The following TEFM variants were observed in gnomAD, a reference collection of about 807,000 sequenced individuals.
TEFM encodes the protein transcription elongation factor, mitochondrial.
Under a neutral mutation model 23.0 loss-of-function variants are expected in TEFM, and 14 were observed. The ratio of observed to expected loss-of-function variants is 0.61; its 90% CI spans 0.40 to 0.95. The LOEUF is 0.95. Among genes scored for constraint, TEFM ranks in the 40% least tolerant of loss-of-function variants. The pLI is 0.00. For missense variants in TEFM, 386 were observed against 425.5 expected (o/e 0.91, Z 0.82); for synonymous variants, 155 against 158.3 (o/e 0.98, Z 0.16).
rs1440875403 is a variant in TEFM at position 30,904,714 on chromosome 17, C to G, written c.32-185G>C. ...TTTTTTTTTGAGACGGAGTCTTGCT[C>G]TGTTGCCCAGGCTGGAGTGCAGTGG... On this transcript the variant is annotated intron_variant, in intron 1 of 3. Transcript: ENST00000581216. 6.1e-5 allele frequency among the ~76,000 whole-genome samples: 9 copies of G among 146,916 alleles called. No individual in the cohort carries two copies. In the East Asian group the frequency reaches 1.0e-3, roughly 16 times the overall value.
At chr17:30,903,888 C>T (rs994180144) in intron 2 of TEFM, 178 bp downstream of exon 2, 2 of 568,162 alleles carry the variant, frequency 3.5e-6, no homozygotes, top group African/African-American at 3.8e-5. Context: ...CCATTGTTTT[C>T]TCTCCTCTCA....
chr17:30,905,108 T>C (rs1012783748), intron 1 of TEFM, among the ~76,000 whole-genome samples: 1 of 152,272 alleles, frequency 6.6e-6, no homozygotes, highest in African/African-American at 2.4e-5. Context: ...TTTTACTACC[T>C]AGAAAATTGT....
In TEFM at chr17:30,904,504, C is replaced by T. The variant is rs746431144; in HGVS notation, c.57G>A (p.Pro19=). ...AGERWRCFLT[P]SRSSLYWALH... ...AGGCCCAGTACAGGGATGACCTCGACGGGGTCAGAAAGCATCTCCACCTCT... is the reference window on the plus strand; with the variant it reads ...AGGCCCAGTACAGGGATGACCTCGATGGGGTCAGAAAGCATCTCCACCTCT... Residue 19 remains proline, a synonymous_variant, in exon 2 of 4, where the codon CCG becomes CCA. Coordinates refer to ENST00000581216, the MANE Select transcript of TEFM (RefSeq NM_024683.4). 10 of 1,610,168 alleles carry T rather than the reference C, an allele frequency of 6.2e-6. No homozygotes were observed. The highest frequency in any genetic ancestry group is 5.5e-5 in the South Asian group (5 of 90,636).
At chr17:30,900,967 T>C (rs1299950932) in intron 2 of TEFM, among the ~76,000 whole-genome samples, 1 of 152,068 alleles carries the variant, frequency 6.6e-6, no homozygotes, top group Non-Finnish European at 1.5e-5. Context: ...AACTAGTTTA[T>C]GTAATATAAA....
At position 30,899,169 on chromosome 17, in the gene TEFM, C is replaced by T. The variant is rs900836101; in HGVS notation, c.1083G>A (p.Ter361=). ...YELAVFDSQP[*] is the part of the protein sequence containing the mutation. ...ACTTTAGCACGTTAACCTCAGAATT[C>T]TAAGGCTGAGAGTCAAACACTGCTA... Residue 361 remains the stop codon, a stop_retained_variant, in exon 4 of 4, where the codon TAG becomes TAA. Coordinates refer to ENST00000581216, the MANE Select transcript of TEFM (RefSeq NM_024683.4). 6.4e-7 allele frequency: 1 copy of T among 1,574,022 alleles called. No homozygotes were observed. The highest frequency in any genetic ancestry group is 1.2e-5 in the South Asian group (1 of 86,654).
At chr17:30,905,297 G>T (rs1284265139) in intron 1 of TEFM, among the ~76,000 whole-genome samples, 6 of 152,062 alleles carry the variant, frequency 3.9e-5, no homozygotes, top group Admixed American at 3.9e-4. Context: ...GAGGTGGGCG[G>T]ATCACCTGAG....
At position 30,904,305 on chromosome 17, in the gene TEFM, C is replaced by T. The variant is rs777153278; in HGVS notation, c.256G>A (p.Glu86Lys). 1 of 1,614,234 alleles carries T rather than the reference C, an allele frequency of 6.2e-7. No individual in the cohort carries two copies. Among genetic ancestry groups the T allele is most frequent in the Non-Finnish European group, 8.5e-7 (1 of 1,180,048 alleles). Residue 86 changes from glutamate (E) to lysine (K), a missense_variant, in exon 2 of 4, where the codon GAA becomes AAA. Glu to Lys is a moderately conservative substitution (Grantham distance 56). Transcript: ENST00000581216. ...CTTCCACGAAGCAATCGGAAAGCTT[C>T]AAGTTCTTTAGTAGATGCTGTATTC... ...VLNTASTKEL[E>K]AFRLLRGRRS...
At chr17:30,904,599 T>A in intron 1 of TEFM, 70 bp from the exon 2 acceptor site, 4 of 1,122,158 alleles carry the variant, frequency 3.6e-6, no homozygotes, top group Non-Finnish European at 5.1e-6. Flanking sequence ...CAAGCTTGAC[T>A]AGATCCTTTG....
intron 2 of TEFM, among the ~76,000 whole-genome samples, chr17:30,901,823 C>A (rs1002733634): frequency 6.6e-6 from 1 of 152,090 alleles, no homozygotes; most frequent in Non-Finnish European, 1.5e-5. Flanking sequence ...GTACCTGTTA[C>A]AACATGAGAA....
chr17:30,902,522 G>C (rs79901828), intron 2 of TEFM, among the ~76,000 whole-genome samples: 4,049 of 152,242 alleles, frequency 0.027, 197 homozygotes, highest in African/African-American at 0.092. Flanking sequence ...GGTATAAATA[G>C]TTTTGGCCAT....
chr17:30,904,024 G>T, intron 2 of TEFM, 42 bp downstream of exon 2: 2 of 1,548,828 alleles, frequency 1.3e-6, no homozygotes, highest in East Asian at 2.3e-5. Context: ...TCTAGAGTAG[G>T]TTCTCAAATA....
At position 30,903,229 on chromosome 17, in the gene TEFM, GT is replaced by G. The variant is rs567911720; in HGVS notation, c.495+836del. Among the ~76,000 whole-genome samples, 274 of 126,540 alleles carry G rather than the reference GT, an allele frequency of 2.2e-3. 3 individuals are homozygous for G. The highest frequency in any genetic ancestry group is 4.2e-3 in the Middle Eastern group (1 of 236). 83.0% of individuals were successfully genotyped at this position (126,540 alleles called of 152,430 possible). ...GAAAAAGAATTGCTTTTAGAATGGT[GT>G]TTTTTTTTTTTTTTTGAGACAGAGT... On this transcript the variant is annotated intron_variant, in intron 2 of 3. Coordinates refer to ENST00000581216, the MANE Select transcript of TEFM (RefSeq NM_024683.4).
intron 2 of TEFM, among the ~76,000 whole-genome samples, chr17:30,901,364 G>A (rs1453997604): frequency 2.0e-5 from 3 of 152,134 alleles, no homozygotes; most frequent in Non-Finnish European, 4.4e-5. Flanking sequence ...ATAGATAAAG[G>A]ACCTATACTC....
rs1910116021 is a variant in TEFM at position 30,904,242 on chromosome 17, C to T, written c.319G>A (p.Gly107Arg). ...INIVEHRENF[G>R]PFQNLESLMN... ...AAACTCTCTAAATTCTGAAATGGCC[C>T]AAAGTTTTCTCTGTGCTCTACGATA... Residue 107 changes from glycine to arginine, a missense_variant, in exon 2 of 4, where the codon GGG becomes AGG. By Grantham distance (125) the Gly-to-Arg change is moderately radical. Coordinates refer to ENST00000581216, the MANE Select transcript of TEFM (RefSeq NM_024683.4). 6.2e-7 allele frequency: 1 copy of T among 1,614,006 alleles called. No individual in the cohort carries two copies. Among genetic ancestry groups the T allele is most frequent in the Admixed American group, 1.7e-5 (1 of 59,968 alleles).
chr17:30,903,245 T>G (rs1847484201), intron 2 of TEFM, among the ~76,000 whole-genome samples: 1 of 149,844 alleles, frequency 6.7e-6, no homozygotes, highest in Non-Finnish European at 1.5e-5. Context: ...TTTTTTTTTT[T>G]GAGACAGAGT....
At chr17:30,905,709 G>T (rs978402354) in intron 1 of TEFM, among the ~76,000 whole-genome samples, 1 of 152,150 alleles carries the variant, frequency 6.6e-6, no homozygotes, top group East Asian at 1.9e-4. Flanking sequence ...TTGCAAGTAT[G>T]AGAAACACCA....
At chr17:30,901,238 C>T (rs1281930347) in intron 2 of TEFM, among the ~76,000 whole-genome samples, 1 of 152,042 alleles carries the variant, frequency 6.6e-6, no homozygotes, top group African/African-American at 2.4e-5. Context: ...CCAGGCTGGT[C>T]TTGAGCTCCT....
chr17:30,900,776 A>ATT (rs11452879), intron 2 of TEFM, among the ~76,000 whole-genome samples: 15,409 of 143,738 alleles, frequency 0.11, 893 homozygotes, highest in South Asian at 0.24. Flanking sequence ...TAATTTTTTT[A>ATT]TTTTTTTTTT....
At chr17:30,899,792 C>G (rs1451027640) in intron 3 of TEFM, 186 bp from the exon 4 acceptor site, 2 of 430,232 alleles carry the variant, frequency 4.6e-6, no homozygotes, top group African/African-American at 4.1e-5. Flanking sequence ...TATGTCACAA[C>G]AACAGCTAAG....
Sources: allele counts gnomAD v4.1 joint callset (sites outside exome capture counted in the v4.1 genomes callset), GRCh38; gene constraint gnomAD v4.1.1; transcripts MANE v1.5; gene names NCBI Gene and HGNC (gene_info 2026-07-23, HGNC 2026-07-21).